The following SIL1 variants were observed in gnomAD, a reference collection of about 807,000 sequenced individuals.
SIL1 encodes SIL1 nucleotide exchange factor.
A neutral mutation model predicts 49.1 loss-of-function variants in SIL1; 40 were observed. The observed-to-expected ratio is 0.81, with a 90% CI of 0.63 to 1.06. SIL1 has a LOEUF of 1.06. SIL1 is among the 50% of genes least tolerant of loss of function. SIL1 has a pLI of 0.00. For synonymous variants in SIL1, 253 were observed against 250.8 expected (o/e 1.01, Z -0.08); for missense variants, 500 against 572.6 (o/e 0.87, Z 1.29).
At chr5:138,975,217 G>T (rs1316160854) in intron 7 of SIL1, among the ~76,000 whole-genome samples, 1 of 152,136 alleles carries the variant, frequency 6.6e-6, no homozygotes, top group Non-Finnish European at 1.5e-5. Flanking sequence ...CTGGTCAGCT[G>T]GTCAATCCAT....
chr5:139,176,613 G>A (rs1488887375), intron 1 of SIL1, among the ~76,000 whole-genome samples: 2 of 152,144 alleles, frequency 1.3e-5, no homozygotes, highest in South Asian at 2.1e-4. Context: ...CAGATTCAAC[G>A]TCAGGTGAGG....
chr5:138,983,554 C>A (rs1767580575), intron 7 of SIL1, among the ~76,000 whole-genome samples: 1 of 151,616 alleles, frequency 6.6e-6, no homozygotes, highest in African/African-American at 2.4e-5. Context: ...ACCTAGTAGT[C>A]CAGAGGCTGG....
At chr5:139,173,008 T>C (rs568441872) in intron 1 of SIL1, among the ~76,000 whole-genome samples, 1 of 152,192 alleles carries the variant, frequency 6.6e-6, no homozygotes, top group South Asian at 2.1e-4. Flanking sequence ...ATTTTGTTTT[T>C]ACATAATTTA....
Position 139,026,374 on chromosome 5 carries a change from G to A in SIL1, c.645+427C>T, listed in dbSNP as rs906278569. On this transcript the variant is annotated intron_variant, in intron 6 of 9. Coordinates refer to ENST00000394817, the MANE Select transcript of SIL1 (RefSeq NM_022464.5). ...CCCAGCACTTTGGGAGGACAAGGTG[G>A]GTGGATCACTTGAGGTTAGGAGTTC... is the stretch of plus-strand genomic sequence containing the variant. Among the ~76,000 whole-genome samples, 3 of 152,058 alleles carry A rather than the reference G, an allele frequency of 2.0e-5. No homozygotes were observed. In the South Asian group the frequency reaches 6.2e-4, roughly 31 times the overall value.
At chr5:139,151,912 C>A (rs1320617829) in intron 1 of SIL1, among the ~76,000 whole-genome samples, 1 of 152,214 alleles carries the variant, frequency 6.6e-6, no homozygotes, top group Admixed American at 6.5e-5. Flanking sequence ...GGAGAAAAGG[C>A]AAAGAAGTCT....
rs915684287 is a variant in SIL1 at position 139,151,751 on chromosome 5, A to C, written c.-10-23898T>G. On this transcript the variant is annotated intron_variant, in intron 1 of 9. Coordinates refer to ENST00000394817, the MANE Select transcript of SIL1 (RefSeq NM_022464.5). Reference sequence around the variant, plus strand: ...TAAAAAGCTCACAATGTGGAGTATAAGCTCTAGCCAAAAGGAATTATCTTC... The same window carrying C: ...TAAAAAGCTCACAATGTGGAGTATACGCTCTAGCCAAAAGGAATTATCTTC... Among the ~76,000 whole-genome samples, 4 of 152,320 alleles carry C rather than the reference A, an allele frequency of 2.6e-5. No individual in the cohort carries two copies. In the East Asian group the frequency reaches 7.7e-4, roughly 29 times the overall value.
At position 139,052,563 on chromosome 5, in the gene SIL1, A is replaced by T. The variant is rs569572485; in HGVS notation, c.245-1517T>A. ...GCCAAGTGTGGTGGCAGGAACCTGTAATCTCAGCTACTTGGGAGGCTGAGG... is the reference window on the plus strand; with the variant it reads ...GCCAAGTGTGGTGGCAGGAACCTGTTATCTCAGCTACTTGGGAGGCTGAGG... On this transcript the variant is annotated intron_variant, in intron 3 of 9. Coordinates refer to ENST00000394817, the MANE Select transcript of SIL1 (RefSeq NM_022464.5). 5.5e-4 allele frequency among the ~76,000 whole-genome samples: 83 copies of T among 152,278 alleles called. 1 individual carries two copies. The highest frequency in any genetic ancestry group is 2.0e-3 in the African/African-American group (83 of 41,558).
chr5:139,132,658 G>GAGAGCA (rs757181401), intron 1 of SIL1, among the ~76,000 whole-genome samples: 6 of 152,154 alleles, frequency 3.9e-5, no homozygotes, highest in Non-Finnish European at 7.4e-5. Flanking sequence ...GGGGCATCCA[G>GAGAGCA]AGAGCAAGAG....
At chr5:138,979,295 C>T (rs1767463780) in intron 7 of SIL1, among the ~76,000 whole-genome samples, 1 of 152,176 alleles carries the variant, frequency 6.6e-6, no homozygotes, top group African/African-American at 2.4e-5. Context: ...GATCTCCTGA[C>T]CTCATGATCT....
chr5:139,050,874 A>T, intron 4 of SIL1, 64 bp downstream of exon 4: 2 of 1,303,164 alleles, frequency 1.5e-6, no homozygotes, highest in Non-Finnish European at 2.2e-6. Flanking sequence ...GTAACATTTT[A>T]AGTATTACAA....
intron 1 of SIL1, among the ~76,000 whole-genome samples, chr5:139,170,637 G>A (rs1340681119): frequency 1.1e-4 from 16 of 146,096 alleles, no homozygotes; most frequent in East Asian, 2.2e-4. Flanking sequence ...CCTGGCAACC[G>A]CCCCATCTGA....
At chr5:139,111,026 C>A (rs1024036849) in intron 3 of SIL1, among the ~76,000 whole-genome samples, 1 of 152,330 alleles carries the variant, frequency 6.6e-6, no homozygotes, top group East Asian at 1.9e-4. Flanking sequence ...AGTCAACAAA[C>A]CTCACCCACC....
Position 138,956,767 on chromosome 5 carries a change from C to T in SIL1, c.768-4883G>A, listed in dbSNP as rs1359528033. ...TAAAAAAAAAAAAAAGATACAATTACCGAATTGAATAAAAATGGAATAGGT... is the reference window on the plus strand; with the variant it reads ...TAAAAAAAAAAAAAAGATACAATTATCGAATTGAATAAAAATGGAATAGGT... On this transcript the variant is annotated intron_variant, in intron 7 of 9. Transcript: ENST00000394817. Among the ~76,000 whole-genome samples, 5 of 151,118 alleles carry T rather than the reference C, an allele frequency of 3.3e-5. No homozygotes were observed. In the East Asian group the frequency reaches 9.6e-4, roughly 29 times the overall value.
intron 1 of SIL1, chr5:139,187,866 G>A (rs1752102867): frequency 1.3e-5 from 2 of 152,198 alleles, no homozygotes; most frequent in Admixed American, 1.3e-4. Flanking sequence ...CTAAGTCATA[G>A]GGGCGGATTT....
chr5:139,046,718 T>C (rs922843874), intron 4 of SIL1, among the ~76,000 whole-genome samples: 6 of 152,336 alleles, frequency 3.9e-5, no homozygotes, highest in African/African-American at 1.2e-4. Context: ...ATGTCTTCTC[T>C]CTAGTCAAGC....
At chr5:139,009,223 TC>T (rs1768195182) in intron 7 of SIL1, among the ~76,000 whole-genome samples, 2 of 129,298 alleles carry the variant, frequency 1.5e-5, no homozygotes, top group African/African-American at 5.9e-5. Flanking sequence ...GTAATGGCCT[TC>T]TTTGTCTCTT....
At chr5:139,161,258 C>T (rs1751508119) in intron 1 of SIL1, among the ~76,000 whole-genome samples, 1 of 152,096 alleles carries the variant, frequency 6.6e-6, no homozygotes, top group African/African-American at 2.4e-5. Context: ...AAAAGAATAA[C>T]CAAATACCCT....
intron 3 of SIL1, among the ~76,000 whole-genome samples, chr5:139,102,500 A>G (rs374270567): frequency 9.5e-4 from 55 of 57,912 alleles, no homozygotes; most frequent in African/African-American, 1.2e-3. Context: ...AAAAAAAAAA[A>G]AGAGAGAGAG....
At chr5:139,041,531 C>T (rs543603777) in intron 5 of SIL1, among the ~76,000 whole-genome samples, 5 of 152,154 alleles carry the variant, frequency 3.3e-5, no homozygotes, top group South Asian at 2.1e-4. Flanking sequence ...GTGCCCAGCA[C>T]GGTGGTTCAT....
Sources: allele counts gnomAD v4.1 joint callset (sites outside exome capture counted in the v4.1 genomes callset), GRCh38; gene constraint gnomAD v4.1.1; transcripts MANE v1.5; gene names NCBI Gene and HGNC (gene_info 2026-07-23, HGNC 2026-07-21).